Variants in PAX5 observed in about 807,000 individuals in gnomAD.
PAX5 encodes the protein paired box 5.
In PAX5, 9 loss-of-function variants were observed where a neutral mutation model predicts 43.7. That is an observed-to-expected ratio of 0.21 (90% confidence interval 0.12 to 0.36). The LOEUF (loss-of-function observed/expected upper bound fraction) is 0.36, where lower values mean the gene tolerates loss of function less well. Among genes scored for constraint, PAX5 ranks in the 10% least tolerant of loss-of-function variants. PAX5 has a pLI of 1.00. For missense variants in PAX5, 383 were observed against 532.7 expected (o/e 0.72, Z 2.77); for synonymous variants, 228 against 214.3 (o/e 1.06, Z -0.56).
intron 6 of PAX5, among the ~76,000 whole-genome samples, chr9:36,929,880 C>T (rs1830983493): frequency 6.6e-6 from 1 of 152,196 alleles, no homozygotes; most frequent in Non-Finnish European, 1.5e-5. Context: ...CACCCACCAC[C>T]ATGCCCAGCT....
intron 3 of PAX5, among the ~76,000 whole-genome samples, chr9:37,010,137 G>A (rs550031151): frequency 3.4e-4 from 52 of 152,240 alleles, no homozygotes; most frequent in Middle Eastern, 3.4e-3. Context: ...AATATGACAG[G>A]CTGTCAAGAC....
intron 9 of PAX5, among the ~76,000 whole-genome samples, chr9:36,845,712 C>T (rs562279652): frequency 4.6e-5 from 7 of 152,166 alleles, no homozygotes; most frequent in Non-Finnish European, 8.8e-5. Flanking sequence ...TGTGTCTGTC[C>T]TAGCCACCAA....
At chr9:36,877,589 A>G (rs762819924) in intron 8 of PAX5, among the ~76,000 whole-genome samples, 8 of 152,184 alleles carry the variant, frequency 5.3e-5, no homozygotes, top group Non-Finnish European at 1.2e-4. Flanking sequence ...TTCTCCAAAC[A>G]TGCCAACAGG....
chr9:36,842,817 G>A (rs764987172), intron 9 of PAX5, among the ~76,000 whole-genome samples: 30 of 152,180 alleles, frequency 2.0e-4, no homozygotes, highest in Admixed American at 2.0e-4. Flanking sequence ...CTGGTGGGAT[G>A]CTGAGTCACA....
chr9:36,950,354 T>G (rs897460681), intron 6 of PAX5, among the ~76,000 whole-genome samples: 3 of 152,192 alleles, frequency 2.0e-5, no homozygotes, highest in African/African-American at 7.2e-5. Flanking sequence ...ATCAACAAAT[T>G]CATCTTTTCT....
chr9:36,892,024 A>G (rs1214546493), intron 7 of PAX5, among the ~76,000 whole-genome samples: 1 of 152,256 alleles, frequency 6.6e-6, no homozygotes, highest in African/African-American at 2.4e-5. Context: ...ATTTTAGAGC[A>G]GACACTGGGA....
chr9:36,929,222 AGAAGGAAGGAAGGAGGAAGGAAGGAAG>A (rs1385629368), intron 6 of PAX5, among the ~76,000 whole-genome samples: 1 of 135,768 alleles, frequency 7.4e-6, no homozygotes, highest in Non-Finnish European at 1.6e-5. Context: ...GAAGGAAGGA[AGAAGGAAGGAAGGAGGAAGGAAGGAAG>A]GAAGGAAGGA....
chr9:36,841,897 T>G (rs1158770118), intron 9 of PAX5, among the ~76,000 whole-genome samples: 1 of 152,090 alleles, frequency 6.6e-6, no homozygotes, highest in Non-Finnish European at 1.5e-5. Flanking sequence ...TCTAGCAAGT[T>G]GGCTTTTGGA....
intron 6 of PAX5, among the ~76,000 whole-genome samples, chr9:36,946,094 T>G (rs997594734): frequency 6.6e-6 from 1 of 152,064 alleles, no homozygotes; most frequent in African/African-American, 2.4e-5. Flanking sequence ...TCCGTCAGGA[T>G]GCAGTGCTCC....
At chr9:36,867,054 GGGTGGT>G (rs138222495) in intron 8 of PAX5, among the ~76,000 whole-genome samples, 1 of 123,216 alleles carries the variant, frequency 8.1e-6, no homozygotes, top group African/African-American at 3.1e-5. Context: ...GTCCTGGATG[GGGTGGT>G]GGGGGGGGGG....
rs1411066 is a variant in PAX5 at position 36,997,510 on chromosome 9, C to T, written c.604+5138G>A. On this transcript the variant is annotated intron_variant, in intron 5 of 9. Coordinates refer to ENST00000358127, the MANE Select transcript of PAX5 (RefSeq NM_016734.3). ...GGAAGGAACCCAGGGTCTGAGGCTG[C>T]CCTTTCACCCATGGCCGCTATTCAC... is the stretch of plus-strand genomic sequence containing the variant. Among the ~76,000 whole-genome samples the T allele has an allele frequency of 9.3e-3, 1,419 of 152,280 alleles. 18 individuals carry two copies. The highest frequency in any genetic ancestry group is 0.033 in the African/African-American group (1,354 of 41,546).
rs1821783679 is a variant in PAX5 at position 36,838,273 on chromosome 9, A to G, written c.*2287T>C. The G allele has an allele frequency of 4.3e-6, 1 of 232,602 alleles. No homozygotes were observed. Among genetic ancestry groups the G allele is most frequent in the African/African-American group, 2.2e-5 (1 of 45,256 alleles). 14.4% of individuals were successfully genotyped at this position (232,602 alleles called of 1,614,324 possible). A position where few individuals can be genotyped will look rare whatever the true frequency, so the allele number is the denominator to read the frequency against. On this transcript the variant is annotated 3_prime_UTR_variant, in exon 10 of 10. Coordinates refer to ENST00000358127, the MANE Select transcript of PAX5 (RefSeq NM_016734.3). ...ACCAGGCTTCCTTGGCAGTTCTTAC[A>G]GACTGATTGTCTAGGGCATGGGGCC... is the stretch of plus-strand genomic sequence containing the variant.
intron 8 of PAX5, among the ~76,000 whole-genome samples, chr9:36,863,390 G>A (rs1207214852): frequency 6.6e-6 from 1 of 152,174 alleles, no homozygotes; most frequent in African/African-American, 2.4e-5. Flanking sequence ...CGGCCTCCCC[G>A]AGTGCTGGGA....
At chr9:36,871,564 T>G (rs939940131) in intron 8 of PAX5, among the ~76,000 whole-genome samples, 2 of 152,296 alleles carry the variant, frequency 1.3e-5, no homozygotes, top group Non-Finnish European at 2.9e-5. Flanking sequence ...TTCCCCTTCA[T>G]CTCCTAAAAA....
Position 36,836,243 on chromosome 9 carries a change from C to T in PAX5, c.*4317G>A, listed in dbSNP as rs1207731366. On this transcript the variant is annotated 3_prime_UTR_variant, in exon 10 of 10. Transcript: ENST00000358127. Reference sequence around the variant, plus strand: ...CCCGTCCCCAGCGCCTCTGACCTTCCACCCAACTCCATCTTCAAAGCGCAA... The same window carrying T: ...CCCGTCCCCAGCGCCTCTGACCTTCTACCCAACTCCATCTTCAAAGCGCAA... 7 of 233,442 alleles carry T rather than the reference C, an allele frequency of 3.0e-5. No homozygotes were observed. The East Asian group carries it at 4.2e-4, about 14-fold the overall frequency. 14.5% of individuals were successfully genotyped at this position (233,442 alleles called of 1,614,324 possible). A position where few individuals can be genotyped will look rare whatever the true frequency, so the allele number is the denominator to read the frequency against.
At chr9:36,974,815 C>CA (rs767669261) in intron 5 of PAX5, among the ~76,000 whole-genome samples, 1 of 152,134 alleles carries the variant, frequency 6.6e-6, no homozygotes, top group Non-Finnish European at 1.5e-5. Flanking sequence ...TCCCCGGGGA[C>CA]AAAGCCTGAG....
chr9:37,030,893 G>C (rs561629192), intron 1 of PAX5, among the ~76,000 whole-genome samples: 1 of 152,224 alleles, frequency 6.6e-6, no homozygotes, highest in South Asian at 2.1e-4. Flanking sequence ...AGGCCCAATA[G>C]GGCTCAGACT....
At chr9:36,943,120 C>T (rs1488532021) in intron 6 of PAX5, among the ~76,000 whole-genome samples, 1 of 152,188 alleles carries the variant, frequency 6.6e-6, no homozygotes, top group African/African-American at 2.4e-5. Context: ...CCCACCGTCC[C>T]CCATCTCCAT....
intron 8 of PAX5, among the ~76,000 whole-genome samples, chr9:36,848,184 G>A (rs929928360): frequency 6.6e-6 from 1 of 152,094 alleles, no homozygotes; most frequent in African/African-American, 2.4e-5. Flanking sequence ...GCCAGAACCC[G>A]GGACCAAGAG....
Sources: gnomAD v4.1 joint callset for allele counts (sites outside exome capture counted in the v4.1 genomes callset) on GRCh38, gnomAD v4.1.1 for gene constraint, MANE v1.5 for transcripts, NCBI Gene and HGNC (gene_info 2026-07-23, HGNC 2026-07-21) for gene names.